The following RPL10A variants were observed in gnomAD, a reference collection of about 807,000 sequenced individuals.
The protein encoded by RPL10A is ribosomal protein L10a, also known as large ribosomal subunit protein uL1.
In RPL10A, 11 loss-of-function variants were observed where a neutral mutation model predicts 24.6. The observed-to-expected ratio is 0.45, with a 90% CI of 0.28 to 0.74. RPL10A has a LOEUF of 0.74. RPL10A is among the 30% of genes least tolerant of loss of function. The pLI is 0.13. For synonymous variants in RPL10A, 98 were observed against 108.5 expected, an observed-to-expected ratio of 0.90 and a Z score of 0.60; for missense variants, 136 against 273.1, an observed-to-expected ratio of 0.50 and a Z score of 3.54.
chr6:35,469,347 G>A (rs1767974054), intron 3 of RPL10A, 34 bp from the exon 4 acceptor site: 1 of 1,569,118 alleles, frequency 6.4e-7, no homozygotes, highest in Non-Finnish European at 8.6e-7. Flanking sequence ...CCAGGGCTAG[G>A]CGTAACCTGT....
chr6:35,470,195 G>T lies in RPL10A; in HGVS notation c.327G>T (p.Ala109=), dbSNP rs199735824. ...CTCTATCAGCCAAGAAGTATGATGC[G>T]TTTTTGGCCTCAGAGTCTCTGATCA... ...LVKKLAKKYD[A]FLASESLIKQ... is the part of the protein sequence containing the mutation. Residue 109 remains alanine, a synonymous_variant, in exon 5 of 6, where the codon GCG becomes GCT. Transcript: ENST00000322203. The surrounding 1 kb of genome is among the most constrained non-coding windows in gnomAD (Gnocchi z 4.6). 7 of 1,613,288 alleles carry T rather than the reference G, an allele frequency of 4.3e-6. No homozygotes were observed. In the African/African-American group the frequency reaches 9.3e-5, roughly 22 times the overall value.
At chr6:35,469,555 A>C (rs1327880106) in intron 4 of RPL10A, 26 bp downstream of exon 4, 2 of 1,606,756 alleles carry the variant, frequency 1.2e-6, no homozygotes, top group Admixed American at 1.7e-5. Context: ...GTGGTTTTGC[A>C]TGTGAGATGT....
chr6:35,470,539 C>T lies in RPL10A; in HGVS notation c.484-41C>T, dbSNP rs146033185. Reference sequence around the variant, plus strand: ...GAGGAAGGACAGGCCATCTGCTATTCGTCCACCAACCTGACTTGATCCTCT... The same window carrying T: ...GAGGAAGGACAGGCCATCTGCTATTTGTCCACCAACCTGACTTGATCCTCT... On this transcript the variant is annotated intron_variant, in intron 5 of 5. Transcript: ENST00000322203. The surrounding 1 kb of genome is among the most constrained non-coding windows in gnomAD (Gnocchi z 4.6). The T allele has an allele frequency of 8.8e-6, 14 of 1,587,926 alleles. No homozygotes were observed. Among genetic ancestry groups the T allele is most frequent in the East Asian group, 6.7e-5 (3 of 44,602 alleles).
Position 35,468,421 on chromosome 6 carries a change from C to A in RPL10A, c.-14C>A, listed in dbSNP as rs570109605. 4.6e-5 allele frequency: 74 copies of A among 1,613,940 alleles called. 2 individuals carry two copies. Among genetic ancestry groups the A allele is most frequent in the Middle Eastern group, 3.3e-4 (2 of 6,084 alleles). On this transcript the variant is annotated 5_prime_UTR_variant, in exon 1 of 6. Coordinates refer to ENST00000322203, the MANE Select transcript of RPL10A (RefSeq NM_007104.5). The stretch of plus-strand genomic sequence containing the variant: ...ATGCTAGTCTCTTTTCCGGTTAGCG[C>A]GGCGTGAGAAGCCATGAGGTGAGTT...
rs1393067319 is a variant in RPL10A at position 35,468,838 on chromosome 6, G to A, written c.45G>A (p.Arg15=). ...GCGACACCCTGTACGAGGCGGTGCG[G>A]GAAGTCCTGCACGGGAACCAGCGCA... ...VSRDTLYEAV[R]EVLHGNQRKR... The change falls in exon 2 of 6, where the codon CGG becomes CGA. Residue 15 remains arginine (R), a synonymous_variant. Transcript: ENST00000322203. 3 of 1,611,276 alleles carry A rather than the reference G, an allele frequency of 1.9e-6. No individual in the cohort carries two copies. The Admixed American group carries it at 5.0e-5, about 27-fold the overall frequency.
rs41271259 is a variant in RPL10A, at chr6:35,469,585, G to A, written c.310+56G>A. On this transcript the variant is annotated intron_variant, in intron 4 of 5. Transcript: ENST00000322203. ...AGATGTGTGGTGGGGGCGGTAGAAA[G>A]GCTTTTCTGCCATTTTCGATTTTTA... The A allele has an allele frequency of 1.5e-3, 2,386 of 1,552,962 alleles. 9 individuals are homozygous for A. Among genetic ancestry groups the A allele is most frequent in the Non-Finnish European group, 1.5e-3 (1,734 of 1,149,524 alleles).
In RPL10A at chr6:35,469,525, G is replaced by C; in HGVS notation, c.306G>C (p.Lys102Asn). Residue 102 changes from lysine (K) to asparagine (N), a missense_variant, in exon 4 of 6, where the codon AAG becomes AAC. Lys to Asn is a moderately conservative substitution (Grantham distance 94). Around this residue, in one of 3 missense-constraint regions of RPL10A, gnomAD observed 88 missense variants for 149.2 expected, o/e 0.59. Transcript: ENST00000322203. Reference sequence around the variant, plus strand: ...ACAAGAATAAAAAACTGGTCAAGAAGCTGGGTGAGTCCGGCCGCTGTGGTT... The same window carrying C: ...ACAAGAATAAAAAACTGGTCAAGAACCTGGGTGAGTCCGGCCGCTGTGGTT... ...KLNKNKKLVK[K>N]LAKKYDAFLA... 1 of 1,613,280 alleles carries C rather than the reference G, an allele frequency of 6.2e-7. No homozygotes were observed. The highest frequency in any genetic ancestry group is 1.7e-5 in the Admixed American group (1 of 59,844).
At chr6:35,468,910 G>A in intron 2 of RPL10A, 37 bp downstream of exon 2, 1 of 1,613,526 alleles carries the variant, frequency 6.2e-7, no homozygotes, top group Non-Finnish European at 8.5e-7. Flanking sequence ...CGGGTGGCGA[G>A]GGCCGGCGGG....
At chr6:35,469,286 G>C (rs1767970674) in intron 3 of RPL10A, 95 bp from the exon 4 acceptor site, 7 of 1,510,138 alleles carry the variant, frequency 4.6e-6, no homozygotes, top group Admixed American at 2.3e-5. Flanking sequence ...AACGCTCCGG[G>C]TAAGGCTCGG....
At chr6:35,468,716 G>T in intron 1 of RPL10A, 83 bp from the exon 2 acceptor site, 1 of 1,541,300 alleles carries the variant, frequency 6.5e-7, no homozygotes, top group African/African-American at 1.4e-5. Context: ...CGCCCGTCTC[G>T]AAGCCTAGAC....
At position 35,470,589 on chromosome 6, in the gene RPL10A, C is replaced by T. The variant is rs1464606304; in HGVS notation, c.493C>T (p.Leu165=). The T allele has an allele frequency of 6.2e-7, 1 of 1,613,678 alleles. No individual in the cohort carries two copies. The highest frequency in any genetic ancestry group is 1.7e-5 in the Admixed American group (1 of 59,980). The stretch of plus-strand genomic sequence containing the variant: ...TCTTCCCTCCTCCCAGGTGTTATGT[C>T]TGGCTGTAGCTGTTGGTCACGTGAA... ...IKFQMKKVLC[L]AVAVGHVKMT... Residue 165 remains leucine (L), a synonymous_variant, in exon 6 of 6, where the codon CTG becomes TTG. Transcript: ENST00000322203. This position sits in a 1 kb window ranked among gnomAD's most constrained non-coding sequence, Gnocchi z 4.6.
Position 35,470,537 on chromosome 6 carries a change from TTCG to T in RPL10A, c.484-40_484-38del, listed in dbSNP as rs1412322814. 1 of 1,588,154 alleles carries T rather than the reference TTCG, an allele frequency of 6.3e-7. No individual in the cohort carries two copies. Among genetic ancestry groups the T allele is most frequent in the South Asian group, 1.1e-5 (1 of 88,482 alleles). ...GGGAGGAAGGACAGGCCATCTGCTA[TTCG>T]TCCACCAACCTGACTTGATCCTCTC... On this transcript the variant is annotated intron_variant, in intron 5 of 5. Coordinates refer to ENST00000322203, the MANE Select transcript of RPL10A (RefSeq NM_007104.5). This position sits in a 1 kb window ranked among gnomAD's most constrained non-coding sequence, Gnocchi z 4.6.
rs760938622 is a variant in RPL10A at position 35,468,444 on chromosome 6, G to C, written c.5+5G>C. On this transcript the variant is annotated splice_donor_5th_base_variant and intron_variant, in intron 1 of 5. Coordinates refer to ENST00000322203, the MANE Select transcript of RPL10A (RefSeq NM_007104.5). ...CGCGGCGTGAGAAGCCATGAGGTGA[G>C]TTGGTCCTGAAAGCCCTATCCGCGT... 1.9e-6 allele frequency: 3 copies of C among 1,614,058 alleles called. No homozygotes were observed. Among genetic ancestry groups the C allele is most frequent in the Non-Finnish European group, 1.7e-6 (2 of 1,179,928 alleles).
At position 35,469,477 on chromosome 6, in the gene RPL10A, C is replaced by T. The variant is rs1458718419; in HGVS notation, c.258C>T (p.Asp86=). The change falls in exon 4 of 6, where the codon GAC becomes GAT. Residue 86 remains aspartate (D), a synonymous_variant. Coordinates refer to ENST00000322203, the MANE Select transcript of RPL10A (RefSeq NM_007104.5). ...AGGCCGTGGATATCCCCCACATGGA[C>T]ATCGAGGCGCTGAAAAAACTCAACA... The part of the protein sequence containing the change: ...EAKAVDIPHM[D]IEALKKLNKN... The T allele has an allele frequency of 6.2e-7, 1 of 1,613,898 alleles. No homozygotes were observed. Among genetic ancestry groups the T allele is most frequent in the Non-Finnish European group, 8.5e-7 (1 of 1,179,984 alleles).
intron 3 of RPL10A, 121 bp downstream of exon 3, chr6:35,469,148 C>T (rs2076172): frequency 0.52 from 781,378 of 1,491,462 alleles, 215,428 homozygotes; most frequent in Non-Finnish European, 0.56. Flanking sequence ...GTTCAGACCC[C>T]CTGCTCCGGG....
chr6:35,470,374 T>C lies in RPL10A; in HGVS notation c.483+23T>C. On this transcript the variant is annotated intron_variant, in intron 5 of 5. Coordinates refer to ENST00000322203, the MANE Select transcript of RPL10A (RefSeq NM_007104.5). This position sits in a 1 kb window ranked among gnomAD's most constrained non-coding sequence, Gnocchi z 4.6. The stretch of plus-strand genomic sequence containing the variant: ...AAGGTGAGTGGGTCTGGCGGGTTGC[T>C]ATGGGTGAAGGTGTTGGCAGGGTCT... The C allele has an allele frequency of 6.3e-7, 1 of 1,596,404 alleles. No individual in the cohort carries two copies. The highest frequency in any genetic ancestry group is 8.5e-7 in the Non-Finnish European group (1 of 1,175,416).
chr6:35,468,509 C>T (rs1335170634), intron 1 of RPL10A, 70 bp downstream of exon 1: 9 of 1,610,372 alleles, frequency 5.6e-6, no homozygotes, highest in Non-Finnish European at 6.8e-6. Flanking sequence ...GGTTCGGATC[C>T]TGTAGGCCGC....
chr6:35,470,424 T>G lies in RPL10A; in HGVS notation c.483+73T>G. The G allele has an allele frequency of 6.5e-7, 1 of 1,540,316 alleles. No individual in the cohort carries two copies. The highest frequency in any genetic ancestry group is 8.8e-7 in the Non-Finnish European group (1 of 1,137,290). ...TAAATCTTATCCAAGTCTCTAAATA[T>G]GCCAGTAAGAGCACCCACCAGGATT... On this transcript the variant is annotated intron_variant, in intron 5 of 5. Transcript: ENST00000322203. This position sits in a 1 kb window ranked among gnomAD's most constrained non-coding sequence, Gnocchi z 4.6.
At position 35,470,428 on chromosome 6, in the gene RPL10A, A is replaced by AG. The variant is rs576596572; in HGVS notation, c.483+78dup. The AG allele has an allele frequency of 5.0e-4, 764 of 1,532,824 alleles. 5 individuals are homozygous for AG. The East Asian group carries it at 0.012, about 25-fold the overall frequency. The allele number at this position is 1,532,824 out of a possible 1,614,324, so 95.0% of individuals were successfully genotyped here. A position where few individuals can be genotyped will look rare whatever the true frequency, so the allele number is the denominator to read the frequency against. On this transcript the variant is annotated intron_variant, in intron 5 of 5. Coordinates refer to ENST00000322203, the MANE Select transcript of RPL10A (RefSeq NM_007104.5). The surrounding 1 kb of genome is among the most constrained non-coding windows in gnomAD (Gnocchi z 4.6). ...TCTTATCCAAGTCTCTAAATATGCCAGTAAGAGCACCCACCAGGATTGAAA... is the reference window on the plus strand; with the variant it reads ...TCTTATCCAAGTCTCTAAATATGCCAGGTAAGAGCACCCACCAGGATTGAAA...
Sources: allele counts gnomAD v4.1 joint callset, GRCh38; gene constraint gnomAD v4.1.1; regional missense constraint gnomAD v4.1.1; non-coding constraint Gnocchi (gnomAD v3.1); transcripts MANE v1.5; gene names NCBI Gene and HGNC (gene_info 2026-07-23, HGNC 2026-07-21).